UHMK1: variants seen among roughly 807,000 people sequenced by gnomAD.
UHMK1 encodes serine/threonine-protein kinase Kist.
Under a neutral mutation model 44.0 loss-of-function variants are expected in UHMK1, and 18 were observed. The ratio of observed to expected loss-of-function variants is 0.41; its 90% CI spans 0.28 to 0.61. The LOEUF (loss-of-function observed/expected upper bound fraction) is 0.61, where lower values mean the gene tolerates loss of function less well. UHMK1 is among the 20% of genes least tolerant of loss of function. UHMK1 has a pLI of 0.31. For missense variants in UHMK1, 463 were observed against 522.5 expected (o/e 0.89, Z 1.11); for synonymous variants, 231 against 198.5 (o/e 1.16, Z -1.38).
Position 162,526,378 on chromosome 1 carries a change from A to T in UHMK1, c.*3828A>T, listed in dbSNP as rs1469203210. On this transcript the variant is annotated 3_prime_UTR_variant, in exon 8 of 8. Transcript: ENST00000489294. ...GGGTGAAGGAGTAGGGGAGACACTC[A>T]GTAACCATCTATTTACCTAGACACT... The T allele has an allele frequency of 1.3e-5, 2 of 152,066 alleles. No homozygotes were observed. The highest frequency in any genetic ancestry group is 4.1e-4 in the South Asian group (2 of 4,826). The allele number at this position is 152,066 out of a possible 1,614,324, so 9.4% of individuals were successfully genotyped here. A position where few individuals can be genotyped will look rare whatever the true frequency, so the allele number is the denominator to read the frequency against.
intron 6 of UHMK1, among the ~76,000 whole-genome samples, chr1:162,513,600 C>G (rs1012596549): frequency 2.8e-4 from 42 of 152,280 alleles, no homozygotes; most frequent in African/African-American, 9.9e-4. Flanking sequence ...TGCTTCTCTA[C>G]AGACGTTATA....
At chr1:162,520,285 C>G (rs1365373685) in intron 7 of UHMK1, among the ~76,000 whole-genome samples, 2 of 152,286 alleles carry the variant, frequency 1.3e-5, no homozygotes, top group South Asian at 4.1e-4. Flanking sequence ...TATTCTAGTC[C>G]TAATGAAAAG....
At chr1:162,507,142 C>G (rs189270714) in intron 4 of UHMK1, among the ~76,000 whole-genome samples, 49 of 149,028 alleles carry the variant, frequency 3.3e-4, no homozygotes, top group Non-Finnish European at 6.5e-4. Flanking sequence ...TTTTTTGAGA[C>G]GGAGTTTTTG....
chr1:162,519,088 G>A (rs529698268), intron 7 of UHMK1, among the ~76,000 whole-genome samples: 1 of 151,788 alleles, frequency 6.6e-6, no homozygotes, highest in African/African-American at 2.4e-5. Flanking sequence ...AGGCCGAGGC[G>A]TGTGGATCAC....
In UHMK1 at chr1:162,528,129, T is replaced by C. The variant is rs1223174897; in HGVS notation, c.*5579T>C. On this transcript the variant is annotated 3_prime_UTR_variant, in exon 8 of 8. Transcript: ENST00000489294. ...GTATAAGAGCAAATGTAGTGAGGTA[T>C]TCAAAAATCCTGCATATATGGACTC... is the stretch of plus-strand genomic sequence containing the variant. 2 of 152,048 alleles carry C rather than the reference T, an allele frequency of 1.3e-5. No homozygotes were observed. The highest frequency in any genetic ancestry group is 2.9e-5 in the Non-Finnish European group (2 of 67,932). The allele number at this position is 152,048 out of a possible 1,614,324, so 9.4% of individuals were successfully genotyped here.
At chr1:162,515,831 G>A (rs540679398) in intron 6 of UHMK1, among the ~76,000 whole-genome samples, 3 of 151,868 alleles carry the variant, frequency 2.0e-5, no homozygotes, top group South Asian at 2.1e-4. Flanking sequence ...TCAGGAGATC[G>A]AGACCATCCT....
chr1:162,503,654 G>A (rs2101671619), intron 3 of UHMK1, 100 bp from the exon 4 acceptor site: 1 of 590,460 alleles, frequency 1.7e-6, no homozygotes, highest in South Asian at 2.5e-5. Flanking sequence ...TCAGAAGATA[G>A]TGTTTTCTGT....
At position 162,512,672 on chromosome 1, in the gene UHMK1, T is replaced by TC. The variant is rs1651707584; in HGVS notation, c.926-52dup. 3 of 1,607,492 alleles carry TC rather than the reference T, an allele frequency of 1.9e-6. No individual in the cohort carries two copies. The East Asian group carries it at 6.7e-5, about 36-fold the overall frequency. On this transcript the variant is annotated intron_variant, in intron 5 of 7. Coordinates refer to ENST00000489294, the MANE Select transcript of UHMK1 (RefSeq NM_175866.5). ...ATTCACAAGTTCCTTTATCTGGTGT[T>TC]CAACTTATTTGGGGGGATTTACATT...
chr1:162,528,198 T>C lies in UHMK1; in HGVS notation c.*5648T>C, dbSNP rs1652314169. Reference sequence around the variant, plus strand: ...TGAATTATATATAGCTATATTATTTTATTAGCTTGGGTTGTCAGAAGATTG... The same window carrying C: ...TGAATTATATATAGCTATATTATTTCATTAGCTTGGGTTGTCAGAAGATTG... On this transcript the variant is annotated 3_prime_UTR_variant, in exon 8 of 8. Coordinates refer to ENST00000489294, the MANE Select transcript of UHMK1 (RefSeq NM_175866.5). 6.6e-6 allele frequency: 1 copy of C among 152,092 alleles called. No individual in the cohort carries two copies. The highest frequency in any genetic ancestry group is 2.4e-5 in the African/African-American group (1 of 41,434). 9.4% of individuals were successfully genotyped at this position (152,092 alleles called of 1,614,324 possible). A position where few individuals can be genotyped will look rare whatever the true frequency, so the allele number is the denominator to read the frequency against.
chr1:162,501,038 A>T lies in UHMK1; in HGVS notation c.687A>T (p.Gly229=). 6.2e-7 allele frequency: 1 copy of T among 1,614,124 alleles called. No individual in the cohort carries two copies. The highest frequency in any genetic ancestry group is 8.5e-7 in the Non-Finnish European group (1 of 1,180,020). The change falls in exon 3 of 8, where the codon GGA becomes GGT. Residue 229 remains glycine, a synonymous_variant. Coordinates refer to ENST00000489294, the MANE Select transcript of UHMK1 (RefSeq NM_175866.5). ...CTSAVDLWSL[G]IILLEMFSGM... Reference sequence around the variant, plus strand: ...CAGCTGTTGATCTGTGGAGCCTAGGAATCATTTTACTGGAAATGTTCTCAG... The same window carrying T: ...CAGCTGTTGATCTGTGGAGCCTAGGTATCATTTTACTGGAAATGTTCTCAG...
Position 162,527,337 on chromosome 1 carries a change from A to T in UHMK1, c.*4787A>T, listed in dbSNP as rs1457996184. ...ATGGATATTTAAGAAGAAGGTAAAT[A>T]ATTTTAATATTTTTTGCTGTAATTT... On this transcript the variant is annotated 3_prime_UTR_variant, in exon 8 of 8. Coordinates refer to ENST00000489294, the MANE Select transcript of UHMK1 (RefSeq NM_175866.5). 6.6e-6 allele frequency: 1 copy of T among 152,056 alleles called. No individual in the cohort carries two copies. The highest frequency in any genetic ancestry group is 2.4e-5 in the African/African-American group (1 of 41,440). 9.4% of individuals were successfully genotyped at this position (152,056 alleles called of 1,614,324 possible). A position where few individuals can be genotyped will look rare whatever the true frequency, so the allele number is the denominator to read the frequency against.
rs752666220 is a variant in UHMK1, at chr1:162,500,060, C to A, written c.374C>A (p.Ser125Tyr). 1 of 1,614,164 alleles carries A rather than the reference C, an allele frequency of 6.2e-7. No individual in the cohort carries two copies. The highest frequency in any genetic ancestry group is 8.5e-7 in the Non-Finnish European group (1 of 1,180,042). Residue 125 changes from serine (S) to tyrosine (Y), a missense_variant, in exon 2 of 8, where the codon TCC (serine) becomes TAC (tyrosine). Physicochemically the swap from Ser to Tyr is moderately radical, Grantham distance 144. Coordinates refer to ENST00000489294, the MANE Select transcript of UHMK1 (RefSeq NM_175866.5). ...AGTGTTTCGGAATTGCTCTTATATT[C>A]CAGTCACCAGGGTTGTTCCATGTGG... Reference protein sequence around the residue: ...DVSVSELLLYSSHQGCSMWMI... With the variant: ...DVSVSELLLYYSHQGCSMWMI...
intron 4 of UHMK1, 22 bp from the exon 5 acceptor site, chr1:162,512,478 G>A (rs1294446454): frequency 1.3e-6 from 2 of 1,581,730 alleles, no homozygotes; most frequent in African/African-American, 1.4e-5. Context: ...GAAATGATAA[G>A]GCACCTATTT....
At chr1:162,500,568 G>T in intron 2 of UHMK1, 1 of 408,002 alleles carries the variant, frequency 2.5e-6, no homozygotes, top group Non-Finnish European at 4.4e-6. Context: ...TCTCTTCAGT[G>T]TTGGGGCTGT....
intron 6 of UHMK1, among the ~76,000 whole-genome samples, chr1:162,513,510 T>C (rs867129156): frequency 2.6e-5 from 4 of 152,200 alleles, no homozygotes; most frequent in African/African-American, 7.2e-5. Flanking sequence ...TAAACAATTA[T>C]AGTTGTGATA....
chr1:162,512,877 TA>T (rs1651715791), intron 6 of UHMK1, 54 bp downstream of exon 6: 1 of 1,478,894 alleles, frequency 6.8e-7, no homozygotes, highest in African/African-American at 1.4e-5. Context: ...AAGTCTAGAA[TA>T]AACATATCCG....
chr1:162,520,264 G>A (rs1031519235), intron 7 of UHMK1, among the ~76,000 whole-genome samples: 2 of 152,156 alleles, frequency 1.3e-5, no homozygotes, highest in Non-Finnish European at 2.9e-5. Flanking sequence ...ACAAAAATAT[G>A]AGCACAGTTT....
intron 7 of UHMK1, among the ~76,000 whole-genome samples, chr1:162,521,863 G>A (rs541765520): frequency 2.0e-5 from 3 of 152,250 alleles, no homozygotes; most frequent in Admixed American, 6.5e-5. Context: ...TCCCGACCTC[G>A]TGATCCACCT....
chr1:162,518,609 G>A (rs911227454), intron 7 of UHMK1, among the ~76,000 whole-genome samples: 2 of 151,812 alleles, frequency 1.3e-5, no homozygotes, highest in African/African-American at 4.8e-5. Flanking sequence ...TTGAACTCAG[G>A]AGGCAGAGGT....
Sources: allele counts gnomAD v4.1 joint callset (sites outside exome capture counted in the v4.1 genomes callset), GRCh38; gene constraint gnomAD v4.1.1; transcripts MANE v1.5; gene names NCBI Gene and HGNC (gene_info 2026-07-23, HGNC 2026-07-21).